The following ZNF644 variants were observed in gnomAD, a reference collection of about 807,000 sequenced individuals.
The protein encoded by ZNF644 is zinc finger motif enhancer binding protein 2.
ZNF644 carries 20 observed loss-of-function variants against 108.0 expected under a neutral mutation model. That is an observed-to-expected ratio of 0.19 (90% CI 0.13 to 0.27). The LOEUF (loss-of-function observed/expected upper bound fraction) is 0.27. ZNF644 is among the 10% of genes least tolerant of loss of function. The pLI, the probability that ZNF644 is intolerant of heterozygous loss-of-function variation, is 1.00. For synonymous variants in ZNF644, 542 were observed against 539.1 expected (o/e 1.01, Z -0.08); for missense variants, 1,338 against 1,548.9 (o/e 0.86, Z 2.29).
intron 4 of ZNF644, among the ~76,000 whole-genome samples, chr1:90,925,820 T>C (rs1557546997): frequency 6.6e-6 from 1 of 152,112 alleles, no homozygotes; most frequent in Non-Finnish European, 1.5e-5. Flanking sequence ...AAAACAAACT[T>C]ACTGATTCAA....
At chr1:90,924,780 T>C (rs1237450799) in intron 4 of ZNF644, among the ~76,000 whole-genome samples, 1 of 152,078 alleles carries the variant, frequency 6.6e-6, no homozygotes, top group African/African-American at 2.4e-5. Context: ...CCAGCTAAGC[T>C]ACAATTAAAT....
At position 91,013,480 on chromosome 1, in the gene ZNF644, C is replaced by T. The variant is rs950753011; in HGVS notation, c.-18+8510G>A. On this transcript the variant is annotated intron_variant, in intron 1 of 5. Coordinates refer to ENST00000337393, the MANE Select transcript of ZNF644 (RefSeq NM_201269.3). ...ACACACACACACACACACACACACA[C>T]ACATACACACACACACACACATATA... Among the ~76,000 whole-genome samples, 642 of 145,434 alleles carry T rather than the reference C, an allele frequency of 4.4e-3. 1 individual carries two copies. Among genetic ancestry groups the T allele is most frequent in the Non-Finnish European group, 7.2e-3 (481 of 67,008 alleles).
chr1:90,976,543 T>C (rs1276962169), intron 2 of ZNF644, among the ~76,000 whole-genome samples: 2 of 152,226 alleles, frequency 1.3e-5, no homozygotes, highest in Non-Finnish European at 2.9e-5. Flanking sequence ...TGTTCACATA[T>C]TGGAATGATA....
intron 1 of ZNF644, among the ~76,000 whole-genome samples, chr1:91,006,712 C>G (rs1003688334): frequency 3.3e-5 from 5 of 152,110 alleles, no homozygotes; most frequent in African/African-American, 9.7e-5. Context: ...ACCTCCTGTA[C>G]AGCCCTATCC....
intron 2 of ZNF644, among the ~76,000 whole-genome samples, chr1:90,966,256 T>C (rs1406664794): frequency 6.6e-6 from 1 of 152,234 alleles, no homozygotes; most frequent in African/African-American, 2.4e-5. Flanking sequence ...AGTAACTCTC[T>C]ATGCCCCTCT....
intron 2 of ZNF644, 73 bp from the exon 3 acceptor site, chr1:90,941,382 AGT>A: frequency 7.4e-7 from 1 of 1,353,060 alleles, no homozygotes; most frequent in Non-Finnish European, 1.0e-6. Flanking sequence ...GAGAGTTGAA[AGT>A]ACATATTTTT....
intron 2 of ZNF644, among the ~76,000 whole-genome samples, chr1:90,960,899 T>C (rs1277716119): frequency 6.6e-6 from 1 of 151,756 alleles, no homozygotes; most frequent in East Asian, 1.9e-4. Flanking sequence ...TAAAAGAAAA[T>C]AACTGCCAAC....
chr1:90,918,307 C>CA, intron 4 of ZNF644, 153 bp from the exon 5 acceptor site: 1 of 684,314 alleles, frequency 1.5e-6, no homozygotes, highest in South Asian at 1.6e-5. Context: ...ATTCAACTTG[C>CA]TGATTCTGTA....
chr1:90,942,205 T>C (rs886278298), intron 2 of ZNF644, among the ~76,000 whole-genome samples: 1 of 152,182 alleles, frequency 6.6e-6, no homozygotes, highest in African/African-American at 2.4e-5. Context: ...TACAATAGAA[T>C]AGCATAAACA....
At chr1:90,998,282 T>G (rs1192207543) in intron 1 of ZNF644, among the ~76,000 whole-genome samples, 1 of 152,178 alleles carries the variant, frequency 6.6e-6, no homozygotes, top group Non-Finnish European at 1.5e-5. Flanking sequence ...GTAGCCTAAC[T>G]GGGAGGCACC....
At chr1:90,953,039 C>T (rs1653354360) in intron 2 of ZNF644, among the ~76,000 whole-genome samples, 1 of 150,194 alleles carries the variant, frequency 6.7e-6, no homozygotes. Context: ...AAGCAGCTCC[C>T]GATGTCCAAG....
intron 2 of ZNF644, among the ~76,000 whole-genome samples, chr1:90,950,936 C>G (rs1653092327): frequency 6.6e-6 from 1 of 152,178 alleles, no homozygotes; most frequent in Non-Finnish European, 1.5e-5. Context: ...AAAGATCACC[C>G]TTCTCTCACT....
At chr1:90,983,140 T>TA (rs1296860300) in intron 1 of ZNF644, among the ~76,000 whole-genome samples, 2 of 152,138 alleles carry the variant, frequency 1.3e-5, no homozygotes, top group Non-Finnish European at 2.9e-5. Context: ...CTCTATTCTT[T>TA]AAAAAATAGC....
At chr1:91,018,375 T>G (rs1359295656) in intron 1 of ZNF644, among the ~76,000 whole-genome samples, 1 of 152,194 alleles carries the variant, frequency 6.6e-6, no homozygotes, top group Non-Finnish European at 1.5e-5. Context: ...CTTTACTCAA[T>G]ATTTACAGAT....
intron 1 of ZNF644, among the ~76,000 whole-genome samples, chr1:90,998,618 T>C (rs1197855299): frequency 6.6e-6 from 1 of 152,158 alleles, no homozygotes; most frequent in East Asian, 1.9e-4. Flanking sequence ...GCAGAAAAGC[T>C]GAAAATTCTA....
At chr1:90,982,236 C>T in intron 2 of ZNF644, 74 bp downstream of exon 2, 2 of 1,287,870 alleles carry the variant, frequency 1.6e-6, no homozygotes, top group Non-Finnish European at 2.2e-6. Context: ...CTCAACACCA[C>T]ATTTTTAAGA....
chr1:90,989,248 A>G (rs12084258), intron 1 of ZNF644, among the ~76,000 whole-genome samples: 3,850 of 152,294 alleles, frequency 0.025, 171 homozygotes, highest in African/African-American at 0.088. Flanking sequence ...ATATAAAACA[A>G]GCACACAAAA....
intron 1 of ZNF644, among the ~76,000 whole-genome samples, chr1:90,987,046 G>A (rs1657169076): frequency 6.7e-6 from 1 of 148,362 alleles, no homozygotes; most frequent in Non-Finnish European, 1.5e-5. Flanking sequence ...GTTTATGGTA[G>A]CAAAAGCTTA....
chr1:91,010,693 T>C (rs1033576737), intron 1 of ZNF644, among the ~76,000 whole-genome samples: 2 of 152,202 alleles, frequency 1.3e-5, no homozygotes, highest in African/African-American at 4.8e-5. Flanking sequence ...AAATGTTTCA[T>C]AGTTAAGTAC....
Sources: allele counts gnomAD v4.1 joint callset (sites outside exome capture counted in the v4.1 genomes callset), GRCh38; gene constraint gnomAD v4.1.1; transcripts MANE v1.5; gene names NCBI Gene and HGNC (gene_info 2026-07-23, HGNC 2026-07-21).